The following ZEB1 variants were observed in gnomAD, a reference collection of about 807,000 sequenced individuals.
ZEB1 encodes the protein zinc finger E-box-binding homeobox 1.
A neutral mutation model predicts 84.9 loss-of-function variants in ZEB1; 21 were observed. The observed-to-expected ratio is 0.25, with a 90% confidence interval of 0.18 to 0.36. The LOEUF (loss-of-function observed/expected upper bound fraction) is 0.36, where lower values mean the gene tolerates loss of function less well. Ranked by LOEUF, ZEB1 falls within the 10% of genes least tolerant of loss-of-function variation. The pLI, the probability that ZEB1 is intolerant of heterozygous loss-of-function variation, is 1.00. For missense variants in ZEB1, 1,104 were observed against 1,330.2 expected, an observed-to-expected ratio of 0.83 and a Z score of 2.65; for synonymous variants, 420 against 471.1, an observed-to-expected ratio of 0.89 and a Z score of 1.41.
intron 1 of ZEB1, among the ~76,000 whole-genome samples, chr10:31,422,805 C>T (rs2056381448): frequency 6.6e-6 from 1 of 151,928 alleles, no homozygotes. Context: ...GGTACCTTTC[C>T]AGCCCTTACT....
At chr10:31,506,345 C>CT (rs1301394376) in intron 4 of ZEB1, among the ~76,000 whole-genome samples, 1 of 151,938 alleles carries the variant, frequency 6.6e-6, no homozygotes. Flanking sequence ...CATGATCTGT[C>CT]TAATGCTGAT....
intron 1 of ZEB1, among the ~76,000 whole-genome samples, chr10:31,390,376 C>T (rs1032051201): frequency 1.3e-5 from 2 of 152,066 alleles, no homozygotes; most frequent in African/African-American, 4.8e-5. Flanking sequence ...ATATCTCTAG[C>T]CCATTTCTTC....
chr10:31,475,824 C>A (rs1289538347), intron 2 of ZEB1, among the ~76,000 whole-genome samples: 1 of 152,032 alleles, frequency 6.6e-6, no homozygotes, highest in Non-Finnish European at 1.5e-5. Flanking sequence ...TACTCACCAT[C>A]ATATAAAGCA....
intron 5 of ZEB1, among the ~76,000 whole-genome samples, chr10:31,512,664 G>T (rs540852441): frequency 6.6e-6 from 1 of 152,112 alleles, no homozygotes; most frequent in Non-Finnish European, 1.5e-5. Context: ...TAGTCAAAAA[G>T]GAAGTCCCTG....
At chr10:31,492,608 T>A (rs2066689318) in intron 2 of ZEB1, among the ~76,000 whole-genome samples, 1 of 151,934 alleles carries the variant, frequency 6.6e-6, no homozygotes, top group Non-Finnish European at 1.5e-5. Context: ...TATGATTCAG[T>A]TAGGCATTTA....
intron 2 of ZEB1, among the ~76,000 whole-genome samples, chr10:31,466,835 G>A (rs1201653039): frequency 6.6e-6 from 1 of 151,844 alleles, no homozygotes; most frequent in Non-Finnish European, 1.5e-5. Flanking sequence ...TTTTTGAGAA[G>A]ATAAAATCAA....
At chr10:31,476,112 G>A (rs1194554217) in intron 2 of ZEB1, among the ~76,000 whole-genome samples, 1 of 151,770 alleles carries the variant, frequency 6.6e-6, no homozygotes, top group Non-Finnish European at 1.5e-5. Context: ...ATAACAAAGA[G>A]CAGAACCAAA....
At chr10:31,455,675 C>A (rs1402241968) in intron 1 of ZEB1, among the ~76,000 whole-genome samples, 1 of 152,176 alleles carries the variant, frequency 6.6e-6, no homozygotes, top group Non-Finnish European at 1.5e-5. Context: ...CATCACTGGT[C>A]ATTAGAGAAA....
intron 1 of ZEB1, among the ~76,000 whole-genome samples, chr10:31,400,873 A>G (rs1417285027): frequency 6.6e-6 from 1 of 152,158 alleles, no homozygotes; most frequent in Non-Finnish European, 1.5e-5. Context: ...TTTTTTCTTG[A>G]CTATATGCAT....
chr10:31,452,742 T>TGAGAGAGAGAGAGAGA (rs35403055), intron 1 of ZEB1, among the ~76,000 whole-genome samples: 3 of 90,812 alleles, frequency 3.3e-5, no homozygotes, highest in African/African-American at 1.5e-4. Flanking sequence ...TGTGTGTGTG[T>TGAGAGAGAGAGAGAGA]GAGAGAGAGA....
intron 1 of ZEB1, chr10:31,361,302 C>A: frequency 7.8e-7 from 1 of 1,289,746 alleles, no homozygotes. Context: ...AAGCCATTCT[C>A]CTGCCTCAGC....
intron 3 of ZEB1, among the ~76,000 whole-genome samples, chr10:31,496,294 T>C (rs2067226935): frequency 6.6e-6 from 1 of 152,072 alleles, no homozygotes. Context: ...TGAATATTAA[T>C]GAGTTGAGTG....
intron 5 of ZEB1, among the ~76,000 whole-genome samples, chr10:31,511,871 A>G (rs1248986717): frequency 6.6e-6 from 1 of 152,170 alleles, no homozygotes; most frequent in Non-Finnish European, 1.5e-5. Flanking sequence ...GAGTCAACCT[A>G]TTTCCTTAGT....
intron 1 of ZEB1, among the ~76,000 whole-genome samples, chr10:31,457,124 A>G (rs1397459766): frequency 1.3e-5 from 2 of 152,200 alleles, no homozygotes; most frequent in African/African-American, 4.8e-5. Flanking sequence ...CAGAATCAAG[A>G]TGTGATGATC....
chr10:31,366,803 G>A (rs191223736), intron 1 of ZEB1, among the ~76,000 whole-genome samples: 1 of 152,152 alleles, frequency 6.6e-6, no homozygotes, highest in Non-Finnish European at 1.5e-5. Flanking sequence ...TCTTCTCTGA[G>A]TTCCCAGCGT....
intron 5 of ZEB1, among the ~76,000 whole-genome samples, chr10:31,513,553 A>AGT (rs894358207): frequency 7.9e-4 from 120 of 152,286 alleles, no homozygotes; most frequent in Admixed American, 2.4e-3. Context: ...GTTTTAGTGA[A>AGT]GTAGGACCTG....
intron 2 of ZEB1, among the ~76,000 whole-genome samples, chr10:31,484,427 T>C (rs796706785): frequency 1.3e-4 from 20 of 152,124 alleles, no homozygotes; most frequent in African/African-American, 4.8e-4. Flanking sequence ...ATCTAATCCT[T>C]GCAATACTGT....
At chr10:31,518,455 A>T (rs2071607860) in intron 6 of ZEB1, among the ~76,000 whole-genome samples, 1 of 152,168 alleles carries the variant, frequency 6.6e-6, no homozygotes, top group South Asian at 2.1e-4. Flanking sequence ...AGGATAGGGA[A>T]ATAGGCATCA....
At chr10:31,522,511 T>A (rs1411506493) in intron 7 of ZEB1, among the ~76,000 whole-genome samples, 3 of 152,226 alleles carry the variant, frequency 2.0e-5, no homozygotes, top group Non-Finnish European at 2.9e-5. Context: ...TGAGGAAGTG[T>A]GGCTGTGAAC....
Sources: gnomAD v4.1 joint callset for allele counts (sites outside exome capture counted in the v4.1 genomes callset) on GRCh38, gnomAD v4.1.1 for gene constraint, MANE v1.5 for transcripts, NCBI Gene and HGNC (gene_info 2026-07-23, HGNC 2026-07-21) for gene names.